Variants in NSUN3 observed in about 807,000 individuals in gnomAD.
NSUN3 encodes the protein NOP2/Sun RNA methyltransferase 3, also known as tRNA (cytosine(34)-C(5))-methyltransferase, mitochondrial.
In NSUN3, 24 loss-of-function variants were observed where a neutral mutation model predicts 36.8. The observed-to-expected ratio is 0.65, with a 90% CI of 0.47 to 0.92. The LOEUF (loss-of-function observed/expected upper bound fraction) is 0.92, where lower values mean the gene tolerates loss of function less well. NSUN3 is among the 40% of genes least tolerant of loss of function. The pLI is 0.00. For missense variants in NSUN3, 381 were observed against 392.8 expected (o/e 0.97, Z 0.25); for synonymous variants, 146 against 145.2 (o/e 1.01, Z -0.04).
At position 94,084,386 on chromosome 3, in the gene NSUN3, G is replaced by C. The variant is rs756803167; in HGVS notation, c.402G>C (p.Lys134Asn). 6.2e-7 allele frequency: 1 copy of C among 1,614,156 alleles called. No individual in the cohort carries two copies. Among genetic ancestry groups the C allele is most frequent in the South Asian group, 1.1e-5 (1 of 91,088 alleles). ...CTCTGGAATTAAGGGATGGGGAGAA[G>C]GTTCTGGATCTCTGTGCTGCTCCTG... ...VLALELRDGE[K>N]VLDLCAAPGG... is the part of the protein sequence containing the mutation. Residue 134 changes from lysine to asparagine, a missense_variant, in exon 3 of 6, where the codon AAG becomes AAC. Transcript: ENST00000314622.
Position 94,127,294 on chromosome 3 carries a change from A to G in NSUN3, c.*804A>G, listed in dbSNP as rs114500733. 1,319 of 152,282 alleles carry G rather than the reference A, an allele frequency of 8.7e-3. 17 individuals carry two copies. The highest frequency in any genetic ancestry group is 0.03 in the African/African-American group (1,258 of 41,550). The allele number at this position is 152,282 out of a possible 1,614,324, so 9.4% of individuals were successfully genotyped here. On this transcript the variant is annotated 3_prime_UTR_variant, in exon 6 of 6. Coordinates refer to ENST00000314622, the MANE Select transcript of NSUN3 (RefSeq NM_022072.5). Reference sequence around the variant, plus strand: ...TGCAATCACTGAACTATATTTGGAGAGTTTTGTTACATAATTGCAGTCATA... The same window carrying G: ...TGCAATCACTGAACTATATTTGGAGGGTTTTGTTACATAATTGCAGTCATA...
At chr3:94,116,986 T>G (rs1020938727) in intron 5 of NSUN3, among the ~76,000 whole-genome samples, 14 of 26,214 alleles carry the variant, frequency 5.3e-4, no homozygotes, top group African/African-American at 2.0e-3. Flanking sequence ...CTGCCACAAC[T>G]TTTTTTTTTT....
Position 94,098,788 on chromosome 3 carries a change from C to T in NSUN3, c.743+3634C>T, listed in dbSNP as rs558316287. Among the ~76,000 whole-genome samples, 12 of 152,240 alleles carry T rather than the reference C, an allele frequency of 7.9e-5. No homozygotes were observed. The East Asian group carries it at 1.2e-3, about 15-fold the overall frequency. On this transcript the variant is annotated intron_variant, in intron 5 of 5. Transcript: ENST00000314622. ...CTCCTGGCAAACTCTACTGATTCTT[C>T]GGGAATCAGCTCTGACGTCTCCTTA...
At chr3:94,068,645 A>G (rs2077214133) in intron 2 of NSUN3, among the ~76,000 whole-genome samples, 2 of 152,346 alleles carry the variant, frequency 1.3e-5, no homozygotes, top group Middle Eastern at 3.4e-3. Flanking sequence ...AGAAATATTT[A>G]TTAACTGTGG....
chr3:94,117,585 T>G (rs2077445757), intron 5 of NSUN3, among the ~76,000 whole-genome samples: 1 of 152,172 alleles, frequency 6.6e-6, no homozygotes, highest in South Asian at 2.1e-4. Flanking sequence ...AAGCAAAGAT[T>G]TGGGGAAAGT....
intron 3 of NSUN3, among the ~76,000 whole-genome samples, chr3:94,087,485 G>A (rs2077296719): frequency 6.6e-6 from 1 of 152,168 alleles, no homozygotes; most frequent in Non-Finnish European, 1.5e-5. Context: ...GACTCACCAT[G>A]GTTGTTGTCA....
At chr3:94,068,345 A>G (rs1406456123) in intron 2 of NSUN3, among the ~76,000 whole-genome samples, 1 of 152,118 alleles carries the variant, frequency 6.6e-6, no homozygotes, top group African/African-American at 2.4e-5. Context: ...TCGTGTATCC[A>G]TTGCATTTTG....
chr3:94,092,254 G>T (rs1243143408), intron 3 of NSUN3, among the ~76,000 whole-genome samples: 1 of 152,194 alleles, frequency 6.6e-6, no homozygotes, highest in East Asian at 1.9e-4. Context: ...AGAAGGCTCT[G>T]TAATTTCAAA....
chr3:94,063,373 G>A (rs1346852547), intron 1 of NSUN3: 3 of 527,898 alleles, frequency 5.7e-6, no homozygotes, highest in African/African-American at 3.8e-5. Flanking sequence ...AGCTCTTGGA[G>A]GGCTGAGATT....
intron 4 of NSUN3, 112 bp from the exon 5 acceptor site, chr3:94,094,921 T>C: frequency 9.2e-7 from 1 of 1,088,584 alleles, no homozygotes; most frequent in South Asian, 1.6e-5. Flanking sequence ...AAAGAAATGT[T>C]TTTACTTATT....
intron 2 of NSUN3, among the ~76,000 whole-genome samples, chr3:94,072,383 G>C (rs1409189129): frequency 1.3e-5 from 2 of 152,162 alleles, no homozygotes; most frequent in Non-Finnish European, 2.9e-5. Context: ...CTCTAAAATA[G>C]GAGTAAGAGC....
At position 94,084,114 on chromosome 3, in the gene NSUN3, C is replaced by T. The variant is rs750324548; in HGVS notation, c.130C>T (p.Leu44=). Residue 44 remains leucine, a synonymous_variant, in exon 3 of 6, where the codon CTA becomes TTA. Transcript: ENST00000314622. ...CTCTTTTTCTATTTCTAGGGAGATACTAACATCTCCATCATGCTGGCAATA... is the reference window on the plus strand; with the variant it reads ...CTCTTTTTCTATTTCTAGGGAGATATTAACATCTCCATCATGCTGGCAATA... ...GDAWNTVREI[L]TSPSCWQYAV... The T allele has an allele frequency of 3.1e-6, 5 of 1,605,940 alleles. No individual in the cohort carries two copies. Among genetic ancestry groups the T allele is most frequent in the East Asian group, 2.2e-5 (1 of 44,830 alleles).
intron 5 of NSUN3, among the ~76,000 whole-genome samples, chr3:94,120,232 A>C (rs2077455815): frequency 6.6e-6 from 1 of 152,232 alleles, no homozygotes; most frequent in African/African-American, 2.4e-5. Context: ...ACAATAATCT[A>C]ACATTTTTAT....
In NSUN3 at chr3:94,095,765, G is replaced by C. The variant is rs2077335998; in HGVS notation, c.743+611G>C. Among the ~76,000 whole-genome samples, 3 of 151,792 alleles carry C rather than the reference G, an allele frequency of 2.0e-5. 1 individual carries two copies. The highest frequency in any genetic ancestry group is 7.3e-5 in the African/African-American group (3 of 41,338). On this transcript the variant is annotated intron_variant, in intron 5 of 5. Coordinates refer to ENST00000314622, the MANE Select transcript of NSUN3 (RefSeq NM_022072.5). ...TTTGTTTGTTTGTTTGTTTGTTTTT[G>C]AGACAGAGTCTCACTCTGTCGCCCA...
At chr3:94,076,531 C>G in intron 2 of NSUN3, 1 of 796,230 alleles carries the variant, frequency 1.3e-6, no homozygotes, top group Non-Finnish European at 2.3e-6. Context: ...TTGCATCCAC[C>G]ACATTTCCCT....
At chr3:94,106,961 G>C (rs1382003148) in intron 5 of NSUN3, among the ~76,000 whole-genome samples, 1 of 151,940 alleles carries the variant, frequency 6.6e-6, no homozygotes, top group Non-Finnish European at 1.5e-5. Context: ...TTATATTGTA[G>C]CAATTAAAAC....
At chr3:94,113,052 G>A (rs1464013083) in intron 5 of NSUN3, among the ~76,000 whole-genome samples, 1 of 152,094 alleles carries the variant, frequency 6.6e-6, no homozygotes, top group Non-Finnish European at 1.5e-5. Flanking sequence ...TTTTAGTAGA[G>A]ACAGGGTTTC....
rs2077497983 is a variant in NSUN3, at chr3:94,128,642, C to T, written c.*2152C>T. On this transcript the variant is annotated 3_prime_UTR_variant, in exon 6 of 6. Coordinates refer to ENST00000314622, the MANE Select transcript of NSUN3 (RefSeq NM_022072.5). Reference sequence around the variant, plus strand: ...CAATTGCCCCAAAAGCAGAAATTGACAAGCGGGACCTAATTAAACTGAAGA... The same window carrying T: ...CAATTGCCCCAAAAGCAGAAATTGATAAGCGGGACCTAATTAAACTGAAGA... 6.6e-6 allele frequency: 1 copy of T among 150,514 alleles called. No individual in the cohort carries two copies. Among genetic ancestry groups the T allele is most frequent in the South Asian group, 2.1e-4 (1 of 4,786 alleles). 9.3% of individuals were successfully genotyped at this position (150,514 alleles called of 1,614,324 possible).
At chr3:94,077,170 G>T in intron 2 of NSUN3, 1 of 713,100 alleles carries the variant, frequency 1.4e-6, no homozygotes. Flanking sequence ...TTCCTTGTCA[G>T]TCATGGAGGC....
Sources: allele counts gnomAD v4.1 joint callset (sites outside exome capture counted in the v4.1 genomes callset), GRCh38; gene constraint gnomAD v4.1.1; transcripts MANE v1.5; gene names NCBI Gene and HGNC (gene_info 2026-07-23, HGNC 2026-07-21).